BDKRB2: variants seen among roughly 807,000 people sequenced by gnomAD.
BDKRB2 encodes B2 bradykinin receptor.
A neutral mutation model predicts 4.0 loss-of-function variants in BDKRB2; 6 were observed. The ratio of observed to expected loss-of-function variants is 1.49; its 90% CI spans 0.81 to 2.93. BDKRB2 has a LOEUF of 2.93. Among genes scored for constraint, BDKRB2 ranks in the 30% most tolerant of loss-of-function variants. The pLI, the probability that BDKRB2 is intolerant of heterozygous loss-of-function variation, is 0.00. For synonymous variants in BDKRB2, 225 were observed against 215.3 expected (o/e 1.05, Z -0.40); for missense variants, 478 against 520.1 (o/e 0.92, Z 0.79).
chr14:96,212,995 A>AT (rs1447798590), intron 1 of BDKRB2, among the ~76,000 whole-genome samples: 1 of 152,022 alleles, frequency 6.6e-6, no homozygotes, highest in Non-Finnish European at 1.5e-5. Context: ...CGCCACCAGT[A>AT]TTTTTTTAAT....
Position 96,241,387 on chromosome 14 carries a change from AG to A in BDKRB2, c.1064del (p.Gly355AlafsTer46). On this transcript the variant is annotated frameshift_variant, in exon 3 of 3. Transcript: ENST00000554311. LOFTEE classifies it low-confidence loss of function (END_TRUNC). Reference protein sequence around the residue: ...WEVYQGVCQKGGCRSEPIQME... With the variant: ...WEVYQGVCQKXGCRSEPIQME... ...AGGTGTACCAGGGAGTGTGCCAGAA[AG>A]GGGGCTGCAGGTCAGAACCCATTCA... 6.2e-7 allele frequency: 1 copy of A among 1,612,972 alleles called. No homozygotes were observed.
chr14:96,217,741 AG>A (rs202186337), intron 1 of BDKRB2, among the ~76,000 whole-genome samples: 9,481 of 152,214 alleles, frequency 0.062, 398 homozygotes, highest in East Asian at 0.1. Context: ...GGGAGCCCCG[AG>A]GCAGGGACAG....
At chr14:96,217,829 T>C (rs1164889087) in intron 1 of BDKRB2, among the ~76,000 whole-genome samples, 1 of 151,248 alleles carries the variant, frequency 6.6e-6, no homozygotes, top group Non-Finnish European at 1.5e-5. Context: ...CAGGCAGCGA[T>C]CCCTAAGTCC....
intron 1 of BDKRB2, among the ~76,000 whole-genome samples, chr14:96,212,835 A>G (rs550237850): frequency 1.0e-3 from 155 of 152,120 alleles, no homozygotes; most frequent in African/African-American, 3.4e-3. Flanking sequence ...CAGGCGCCTC[A>G]CCTATAGAAA....
chr14:96,229,972 C>T (rs934008762), intron 1 of BDKRB2, among the ~76,000 whole-genome samples: 144 of 142,786 alleles, frequency 1.0e-3, no homozygotes, highest in African/African-American at 3.6e-3. Flanking sequence ...TCTAAAAATA[C>T]AAAAAAAAAA....
chr14:96,238,255 G>A (rs1338136480), intron 2 of BDKRB2: 3 of 438,412 alleles, frequency 6.8e-6, no homozygotes, highest in African/African-American at 4.3e-5. Flanking sequence ...GGCTGCTTGA[G>A]TATCCTCACA....
chr14:96,238,584 C>G, intron 2 of BDKRB2: 1 of 985,870 alleles, frequency 1.0e-6, no homozygotes, highest in Non-Finnish European at 1.2e-6. Flanking sequence ...CTTACTCCCT[C>G]ACTCAACCTC....
rs1370998224 is a variant in BDKRB2 at position 96,240,545 on chromosome 14, C to T, written c.217C>T (p.Leu73=). 1 of 1,582,770 alleles carries T rather than the reference C, an allele frequency of 6.3e-7. No individual in the cohort carries two copies. The highest frequency in any genetic ancestry group is 1.3e-5 in the African/African-American group (1 of 74,194). ...CTGGGTGCTGTTCGTGCTGGCCACC[C>T]TAGAGAACATCTTTGTCCTCAGCGT... ...FLWVLFVLAT[L]ENIFVLSVFC... Residue 73 remains leucine, a synonymous_variant, in exon 3 of 3, where the codon CTA becomes TTA. Transcript: ENST00000554311.
At position 96,241,641 on chromosome 14, in the gene BDKRB2, A is replaced by C; in HGVS notation, c.*137A>C. 7.2e-7 allele frequency: 1 copy of C among 1,382,292 alleles called. No individual in the cohort carries two copies. Among genetic ancestry groups the C allele is most frequent in the Non-Finnish European group, 9.4e-7 (1 of 1,065,094 alleles). 85.6% of individuals were successfully genotyped at this position (1,382,292 alleles called of 1,614,324 possible). A position where few individuals can be genotyped will look rare whatever the true frequency, so the allele number is the denominator to read the frequency against. On this transcript the variant is annotated 3_prime_UTR_variant, in exon 3 of 3. Transcript: ENST00000554311. ...GTTGATGTCTCCGGTAAAACACCGG[A>C]GACTAATTCCTGCCCTGCCCAATTT...
chr14:96,220,120 C>T (rs1890521500), intron 1 of BDKRB2, among the ~76,000 whole-genome samples: 1 of 152,050 alleles, frequency 6.6e-6, no homozygotes, highest in South Asian at 2.1e-4. Flanking sequence ...TCTGTCTCCT[C>T]TGTCAGCCCA....
chr14:96,218,470 CT>C (rs1890478581), intron 1 of BDKRB2, among the ~76,000 whole-genome samples: 1 of 152,102 alleles, frequency 6.6e-6, no homozygotes, highest in African/African-American at 2.4e-5. Flanking sequence ...GCCTGTTTTG[CT>C]TTTTTAAAGT....
intron 2 of BDKRB2, chr14:96,239,940 C>T: frequency 1.0e-6 from 1 of 986,528 alleles, no homozygotes; most frequent in Non-Finnish European, 1.2e-6. Flanking sequence ...CCAAGCCAGA[C>T]TGGAATCTCC....
Position 96,241,060 on chromosome 14 carries a change from G to A in BDKRB2, c.732G>A (p.Thr244=), listed in dbSNP as rs1473133840. ...CCCTGAGTGTCATCACCTTCTGCAC[G>A]ATGCAGATCATGCAGGTGCTGCGGA... ...LLPLSVITFC[T]MQIMQVLRNN... Residue 244 remains threonine, a synonymous_variant, in exon 3 of 3, where the codon ACG becomes ACA. Coordinates refer to ENST00000554311, the MANE Select transcript of BDKRB2 (RefSeq NM_001379692.1). 3.7e-6 allele frequency: 6 copies of A among 1,613,678 alleles called. No homozygotes were observed. Among genetic ancestry groups the A allele is most frequent in the South Asian group, 2.2e-5 (2 of 91,072 alleles).
chr14:96,239,699 A>C, intron 2 of BDKRB2: 1 of 933,784 alleles, frequency 1.1e-6, no homozygotes, highest in South Asian at 4.9e-5. Context: ...TTTACAGGTG[A>C]GGTCATTGTG....
chr14:96,226,778 T>C (rs995273877), intron 1 of BDKRB2, among the ~76,000 whole-genome samples: 1 of 152,222 alleles, frequency 6.6e-6, no homozygotes, highest in African/African-American at 2.4e-5. Context: ...CCCATCTCTG[T>C]AGCATGAGGG....
chr14:96,224,431 G>GT (rs1890649483), intron 1 of BDKRB2, among the ~76,000 whole-genome samples: 2 of 152,294 alleles, frequency 1.3e-5, no homozygotes, highest in South Asian at 4.1e-4. Flanking sequence ...CATTGCAGGG[G>GT]TTTCTCTGTA....
intron 1 of BDKRB2, among the ~76,000 whole-genome samples, chr14:96,222,045 C>T (rs1031046504): frequency 3.3e-5 from 5 of 152,130 alleles, no homozygotes; most frequent in African/African-American, 9.7e-5. Flanking sequence ...AAGTGGCCTG[C>T]ACTTCTGACC....
In BDKRB2 at chr14:96,206,382, A is replaced by T. The variant is rs117217003; in HGVS notation, c.-40+1423A>T. Among the ~76,000 whole-genome samples, 74 of 152,264 alleles carry T rather than the reference A, an allele frequency of 4.9e-4. 2 individuals carry two copies. The East Asian group carries it at 0.014, about 28-fold the overall frequency. ...GAGGAAACTGAGTCTCAGAGGGGGA[A>T]CATGACCTCAGCCAGCCCTTCGCTC... On this transcript the variant is annotated intron_variant, in intron 1 of 2. Transcript: ENST00000554311.
intron 1 of BDKRB2, among the ~76,000 whole-genome samples, chr14:96,231,534 T>C (rs1890819435): frequency 1.3e-5 from 2 of 152,110 alleles, no homozygotes; most frequent in Admixed American, 6.5e-5. Context: ...GAGGCTTACC[T>C]TCGTGACTGC....
Sources: gnomAD v4.1 joint callset for allele counts (sites outside exome capture counted in the v4.1 genomes callset) on GRCh38, gnomAD v4.1.1 for gene constraint, MANE v1.5 for transcripts, NCBI Gene and HGNC (gene_info 2026-07-23, HGNC 2026-07-21) for gene names.